The following UNC5D variants were observed in gnomAD, a reference collection of about 807,000 sequenced individuals.
The protein encoded by UNC5D is unc-5 netrin receptor D.
UNC5D carries 39 observed loss-of-function variants against 105.4 expected under a neutral mutation model. The observed-to-expected ratio is 0.37, with a 90% CI of 0.29 to 0.48. The LOEUF is 0.48. Ranked by LOEUF, UNC5D falls within the 20% of genes least tolerant of loss-of-function variation. The pLI, the probability that UNC5D is intolerant of heterozygous loss-of-function variation, is 0.98. For synonymous variants in UNC5D, 452 were observed against 450.4 expected (o/e 1.00, Z -0.04); for missense variants, 991 against 1,202.4 (o/e 0.82, Z 2.60).
chr8:35,273,048 A>G (rs536104729), intron 1 of UNC5D, among the ~76,000 whole-genome samples: 39 of 152,340 alleles, frequency 2.6e-4, no homozygotes, highest in Non-Finnish European at 5.4e-4. Context: ...AGGAGGGCTC[A>G]TGAATGGGGA....
intron 7 of UNC5D, among the ~76,000 whole-genome samples, chr8:35,693,807 C>T (rs541014569): frequency 2.5e-4 from 38 of 152,216 alleles, no homozygotes; most frequent in African/African-American, 9.2e-4. Flanking sequence ...GACAGGAAGT[C>T]CTATGTAGCA....
chr8:35,519,369 G>A (rs1813308961), intron 1 of UNC5D, among the ~76,000 whole-genome samples: 1 of 151,988 alleles, frequency 6.6e-6, no homozygotes, highest in African/African-American at 2.4e-5. Flanking sequence ...TATATATTAT[G>A]TCCCATCTGC....
At chr8:35,253,123 CGTGT>C (rs369913412) in intron 1 of UNC5D, among the ~76,000 whole-genome samples, 38 of 149,054 alleles carry the variant, frequency 2.5e-4, no homozygotes, top group African/African-American at 8.8e-4. Context: ...TGTGTGTGTG[CGTGT>C]GTGTGTATCT....
At chr8:35,537,733 A>G (rs557748761) in intron 1 of UNC5D, among the ~76,000 whole-genome samples, 64 of 150,186 alleles carry the variant, frequency 4.3e-4, no homozygotes, top group African/African-American at 1.4e-3. Context: ...TAAATATTTT[A>G]TTTATACATA....
intron 1 of UNC5D, among the ~76,000 whole-genome samples, chr8:35,471,407 A>G (rs1286460125): frequency 6.6e-6 from 1 of 152,212 alleles, no homozygotes; most frequent in Non-Finnish European, 1.5e-5. Context: ...GAAGCTAGCA[A>G]TACTTTAACA....
In UNC5D at chr8:35,549,324, A is replaced by G. The variant is rs971491918; in HGVS notation, c.136A>G (p.Ile46Val). ...TDNGEALPES[I>V]PSAPGTLPHF... Reference sequence around the variant, plus strand: ...CAATGGCGAAGCCCTTCCCGAATCCATCCCATCAGCTCCTGGGACACTGCC... The same window carrying G: ...CAATGGCGAAGCCCTTCCCGAATCCGTCCCATCAGCTCCTGGGACACTGCC... Residue 46 changes from isoleucine to valine, a missense_variant, in exon 2 of 17, where the codon ATC becomes GTC. This residue lies in a region of UNC5D where 944 missense variants were observed against 1,131.6 expected (regional missense o/e 0.83). Coordinates refer to ENST00000404895, the MANE Select transcript of UNC5D (RefSeq NM_080872.4). The G allele has an allele frequency of 6.2e-6, 10 of 1,613,294 alleles. No homozygotes were observed. In the Admixed American group the frequency reaches 6.7e-5, roughly 11 times the overall value.
intron 4 of UNC5D, among the ~76,000 whole-genome samples, chr8:35,646,011 T>C (rs556446986): frequency 2.0e-5 from 3 of 152,270 alleles, no homozygotes; most frequent in Admixed American, 6.5e-5. Context: ...CAGCAGAGAC[T>C]GTCAACCCAG....
intron 1 of UNC5D, among the ~76,000 whole-genome samples, chr8:35,402,238 G>A (rs915452982): frequency 1.3e-5 from 2 of 152,076 alleles, no homozygotes; most frequent in Non-Finnish European, 2.9e-5. Flanking sequence ...ACCCAAGACT[G>A]GGTAATTTAC....
chr8:35,419,510 G>T (rs1214738871), intron 1 of UNC5D, among the ~76,000 whole-genome samples: 3 of 152,214 alleles, frequency 2.0e-5, no homozygotes, highest in Admixed American at 1.3e-4. Flanking sequence ...GGAGAGTCCA[G>T]CAATCATGGA....
chr8:35,285,667 G>C (rs953306499), intron 1 of UNC5D, among the ~76,000 whole-genome samples: 2 of 152,118 alleles, frequency 1.3e-5, no homozygotes, highest in African/African-American at 4.8e-5. Flanking sequence ...CTGTATACAG[G>C]TTAAGCTTCT....
At chr8:35,608,416 T>G (rs1193472988) in intron 4 of UNC5D, among the ~76,000 whole-genome samples, 1 of 152,208 alleles carries the variant, frequency 6.6e-6, no homozygotes, top group Admixed American at 6.5e-5. Context: ...CAAACATTTA[T>G]TTTTAAAAAT....
At chr8:35,615,549 T>G (rs1300023376) in intron 4 of UNC5D, among the ~76,000 whole-genome samples, 1 of 152,206 alleles carries the variant, frequency 6.6e-6, no homozygotes, top group African/African-American at 2.4e-5. Flanking sequence ...TCACTCAGGC[T>G]GGAGTGCAGT....
intron 1 of UNC5D, among the ~76,000 whole-genome samples, chr8:35,477,996 A>C (rs1377439509): frequency 6.6e-6 from 1 of 152,142 alleles, no homozygotes; most frequent in African/African-American, 2.4e-5. Context: ...TCACTAATGG[A>C]GATGAAGAGA....
rs1162535027 is a variant in UNC5D, at chr8:35,279,825, G to A, written c.103+43938G>A. 2.0e-5 allele frequency among the ~76,000 whole-genome samples: 3 copies of A among 152,286 alleles called. No homozygotes were observed. The East Asian group carries it at 5.8e-4, about 29-fold the overall frequency. The stretch of plus-strand genomic sequence containing the variant: ...AAGATCCCCAGCTTCCAATTAGCTA[G>A]AGCAAATTGGAACCAAAGTAGAAAA... On this transcript the variant is annotated intron_variant, in intron 1 of 16. Transcript: ENST00000404895.
At chr8:35,459,833 T>G (rs574952143) in intron 1 of UNC5D, among the ~76,000 whole-genome samples, 1 of 152,328 alleles carries the variant, frequency 6.6e-6, no homozygotes, top group South Asian at 2.1e-4. Context: ...GTCGCATATA[T>G]TTTTAGCTTG....
At chr8:35,556,852 A>G (rs1326852862) in intron 2 of UNC5D, among the ~76,000 whole-genome samples, 1 of 152,194 alleles carries the variant, frequency 6.6e-6, no homozygotes, top group Admixed American at 6.5e-5. Context: ...CTTTGTGGGA[A>G]CACAGCCCTG....
intron 1 of UNC5D, among the ~76,000 whole-genome samples, chr8:35,448,986 C>A (rs530722791): frequency 6.6e-6 from 1 of 152,154 alleles, no homozygotes; most frequent in African/African-American, 2.4e-5. Context: ...TGTGTGAGGG[C>A]AAGAACCAAA....
At chr8:35,736,613 T>G (rs1019191228) in intron 11 of UNC5D, among the ~76,000 whole-genome samples, 1 of 152,210 alleles carries the variant, frequency 6.6e-6, no homozygotes, top group African/African-American at 2.4e-5. Flanking sequence ...ATGATCATAT[T>G]GCAGTGTGGT....
intron 1 of UNC5D, among the ~76,000 whole-genome samples, chr8:35,414,957 A>G (rs1039131968): frequency 6.6e-6 from 1 of 152,090 alleles, no homozygotes. Context: ...GACTGTCACA[A>G]TGCTTAGTGG....
Sources: gnomAD v4.1 joint callset for allele counts (sites outside exome capture counted in the v4.1 genomes callset) on GRCh38, gnomAD v4.1.1 for gene constraint, gnomAD v4.1.1 regional missense constraint, MANE v1.5 for transcripts, NCBI Gene and HGNC (gene_info 2026-07-23, HGNC 2026-07-21) for gene names.